The following VWF variants were observed in gnomAD, a reference collection of about 807,000 sequenced individuals.
VWF encodes von Willebrand factor.
VWF carries 176 observed loss-of-function variants against 308.6 expected under a neutral mutation model. The ratio of observed to expected loss-of-function variants is 0.57; its 90% CI spans 0.50 to 0.65. The LOEUF is 0.65. VWF is among the 30% of genes least tolerant of loss of function. The probability of loss-of-function intolerance (pLI) is 0.00; values close to 1 mark genes in which losing one functional copy is unlikely to be tolerated. For missense variants in VWF, 3,146 were observed against 3,648.2 expected, an observed-to-expected ratio of 0.86 and a Z score of 3.55; for synonymous variants, 1,385 against 1,443.4, an observed-to-expected ratio of 0.96 and a Z score of 0.92.
rs560515255 is a variant in VWF at position 5,962,304 on chromosome 12, T to G, written c.7887+5182A>C. Among the ~76,000 whole-genome samples, 17 of 152,256 alleles carry G rather than the reference T, an allele frequency of 1.1e-4. No homozygotes were observed. In the South Asian group the frequency reaches 3.5e-3, roughly 32 times the overall value. On this transcript the variant is annotated intron_variant, in intron 47 of 51. Transcript: ENST00000261405. ...AGATTCAATATAATCCGGCACACTT[T>G]AAACATTTTTTTAATAAAAATTAAC...
intron 13 of VWF, among the ~76,000 whole-genome samples, chr12:6,061,164 G>A (rs1944650619): frequency 6.6e-6 from 1 of 152,160 alleles, no homozygotes; most frequent in Non-Finnish European, 1.5e-5. Context: ...TCGTGCCACT[G>A]CCCTCCAGCC....
intron 44 of VWF, 84 bp downstream of exon 44, chr12:5,971,515 G>A (rs569478531): frequency 1.8e-6 from 2 of 1,101,010 alleles, no homozygotes; most frequent in Admixed American, 1.7e-5. Context: ...CAAAGGGCAG[G>A]GAATGAGATG....
chr12:6,072,264 C>A lies in VWF; in HGVS notation c.1109+67G>T, dbSNP rs868743913. On this transcript the variant is annotated intron_variant, in intron 9 of 51. Transcript: ENST00000261405. ...TCTTTTCCACCTGCCACCACCCCTGCTGACCCAGCTTCCCTCCCCAGTCCC... is the reference window on the plus strand; with the variant it reads ...TCTTTTCCACCTGCCACCACCCCTGATGACCCAGCTTCCCTCCCCAGTCCC... The A allele has an allele frequency of 2.4e-5, 35 of 1,486,486 alleles. 1 individual carries two copies. In the Middle Eastern group the frequency reaches 3.0e-3, roughly 126 times the overall value. The allele number at this position is 1,486,486 out of a possible 1,614,324, so 92.1% of individuals were successfully genotyped here.
At chr12:5,981,726 G>T in intron 42 of VWF, 60 bp downstream of exon 42, 1 of 1,562,800 alleles carries the variant, frequency 6.4e-7, no homozygotes, top group Non-Finnish European at 8.8e-7. Flanking sequence ...AGGATAAACT[G>T]ACAGCAATAA....
chr12:6,106,875 CAAAA>C (rs201177758), intron 5 of VWF, among the ~76,000 whole-genome samples: 9 of 34,816 alleles, frequency 2.6e-4, no homozygotes, highest in African/African-American at 5.0e-4. Flanking sequence ...AACTCCGACT[CAAAA>C]AAAAAAAAAA....
intron 34 of VWF, among the ~76,000 whole-genome samples, chr12:6,003,188 A>AT (rs1357790434): frequency 6.6e-6 from 1 of 152,234 alleles, no homozygotes; most frequent in Non-Finnish European, 1.5e-5. Flanking sequence ...AAAGTTCTGG[A>AT]TATTATTGTA....
At chr12:6,036,019 A>C (rs71582865) in intron 19 of VWF, among the ~76,000 whole-genome samples, 1 of 152,258 alleles carries the variant, frequency 6.6e-6, no homozygotes, top group Admixed American at 6.5e-5. Context: ...AACGTGTATA[A>C]GGTATATATG....
chr12:6,118,704 C>A (rs1454275891), intron 3 of VWF, among the ~76,000 whole-genome samples: 1 of 152,104 alleles, frequency 6.6e-6, no homozygotes, highest in African/African-American at 2.4e-5. Flanking sequence ...CTCTTCCGGT[C>A]ACTTCTAACC....
At chr12:6,068,073 T>G (rs1944737951) in intron 10 of VWF, among the ~76,000 whole-genome samples, 1 of 148,024 alleles carries the variant, frequency 6.8e-6, no homozygotes, top group African/African-American at 2.5e-5. Flanking sequence ...AGGCAGAGGT[T>G]GCAGTGAGCT....
At chr12:6,062,900 G>C (rs1944669846) in intron 13 of VWF, 54 bp downstream of exon 13, 1 of 1,437,648 alleles carries the variant, frequency 7.0e-7, no homozygotes, top group Non-Finnish European at 9.7e-7. Context: ...GAGCACAAGG[G>C]GTACTTTGTA....
intron 43 of VWF, among the ~76,000 whole-genome samples, chr12:5,975,132 C>T (rs559830911): frequency 3.3e-5 from 5 of 152,294 alleles, no homozygotes; most frequent in South Asian, 2.1e-4. Flanking sequence ...TGAGCACCTC[C>T]GCTCACTCTC....
chr12:6,067,943 G>A (rs1017190623), intron 10 of VWF, among the ~76,000 whole-genome samples: 1 of 151,880 alleles, frequency 6.6e-6, no homozygotes, highest in African/African-American at 2.4e-5. Flanking sequence ...AGACCAGCCT[G>A]GCCAACATGG....
At chr12:5,955,463 C>T (rs1041298154) in intron 47 of VWF, among the ~76,000 whole-genome samples, 27 of 151,636 alleles carry the variant, frequency 1.8e-4, no homozygotes, top group Admixed American at 1.2e-3. Context: ...TGAGAACATG[C>T]GGTGTTTGGT....
chr12:5,954,830 A>AG (rs1418136239), intron 47 of VWF, among the ~76,000 whole-genome samples: 2 of 152,152 alleles, frequency 1.3e-5, no homozygotes, highest in African/African-American at 4.8e-5. Context: ...AACGAGTTGG[A>AG]GGGGCTGGGT....
intron 34 of VWF, among the ~76,000 whole-genome samples, chr12:6,000,673 G>A (rs939488283): frequency 7.2e-5 from 11 of 151,748 alleles, no homozygotes; most frequent in East Asian, 1.9e-4. Flanking sequence ...TTAGCCAGGC[G>A]TGGTGGCGGG....
intron 6 of VWF, among the ~76,000 whole-genome samples, chr12:6,080,401 T>C (rs1380446265): frequency 2.0e-5 from 3 of 152,212 alleles, no homozygotes; most frequent in African/African-American, 7.2e-5. Context: ...CCTGAAGACT[T>C]GGTTCTCACC....
intron 2 of VWF, chr12:6,122,832 T>C: frequency 1.5e-6 from 1 of 650,174 alleles, no homozygotes; most frequent in Non-Finnish European, 2.9e-6. Context: ...CACAATCTTA[T>C]CGAAAACTAA....
rs1429340665 is a variant in VWF, at chr12:5,980,081, GA to G, written c.7287+1704del. Among the ~76,000 whole-genome samples, 206 of 121,780 alleles carry G rather than the reference GA, an allele frequency of 1.7e-3. 2 individuals are homozygous for G. The highest frequency in any genetic ancestry group is 6.5e-3 in the African/African-American group (201 of 31,072). 79.9% of individuals were successfully genotyped at this position (121,780 alleles called of 152,430 possible). A position where few individuals can be genotyped will look rare whatever the true frequency, so the allele number is the denominator to read the frequency against. ...GAACGAATGAAAAGAAAGAAAGAAA[GA>G]AAAGAAAGAAAGGAAGGAAGGAAGG... On this transcript the variant is annotated intron_variant, in intron 42 of 51. Coordinates refer to ENST00000261405, the MANE Select transcript of VWF (RefSeq NM_000552.5).
chr12:6,106,654 C>T (rs939389327), intron 5 of VWF, among the ~76,000 whole-genome samples: 10 of 152,036 alleles, frequency 6.6e-5, no homozygotes, highest in African/African-American at 2.4e-4. Flanking sequence ...GGAGGCGGAT[C>T]ACCTGAGGTC....
Sources: gnomAD v4.1 joint callset for allele counts (sites outside exome capture counted in the v4.1 genomes callset) on GRCh38, gnomAD v4.1.1 for gene constraint, MANE v1.5 for transcripts, NCBI Gene and HGNC (gene_info 2026-07-23, HGNC 2026-07-21) for gene names.